The following ACTG2 variants were observed in gnomAD, a reference collection of about 807,000 sequenced individuals.
The protein encoded by ACTG2 is actin, gamma-enteric smooth muscle.
In ACTG2, 16 loss-of-function variants were observed where a neutral mutation model predicts 37.6. The ratio of observed to expected loss-of-function variants is 0.43; its 90% confidence interval spans 0.29 to 0.65. The LOEUF is 0.65. Among genes scored for constraint, ACTG2 ranks in the 30% least tolerant of loss-of-function variants. ACTG2 has a pLI of 0.18. For synonymous variants in ACTG2, 181 were observed against 179.9 expected (o/e 1.01, Z -0.05); for missense variants, 238 against 490.9 (o/e 0.48, Z 4.87).
intron 3 of ACTG2, 192 bp from the exon 4 acceptor site, chr2:73,908,481 A>T: frequency 1.6e-6 from 1 of 643,332 alleles, no homozygotes; most frequent in Middle Eastern, 2.9e-4. Flanking sequence ...TCTGAGTCCT[A>T]CCTGGGGCCC....
chr2:73,916,114 G>A (rs1721262), intron 7 of ACTG2, among the ~76,000 whole-genome samples: 79,503 of 151,908 alleles, frequency 0.52, 22,440 homozygotes, highest in Non-Finnish European at 0.62. Flanking sequence ...GTAATACCTC[G>A]CGCCTGTAAT....
At chr2:73,908,870 C>T (rs907073319) in intron 4 of ACTG2, 87 bp downstream of exon 4, 9 of 1,306,288 alleles carry the variant, frequency 6.9e-6, no homozygotes, top group Non-Finnish European at 6.5e-6. Context: ...AACATCAGTG[C>T]AACAGAACTC....
chr2:73,902,047 G>GTC (rs1558622715), intron 2 of ACTG2, among the ~76,000 whole-genome samples: 2 of 146,618 alleles, frequency 1.4e-5, no homozygotes, highest in East Asian at 2.0e-4. Context: ...GTGTCTGTGT[G>GTC]TGTGTGTGTG....
At chr2:73,914,563 A>C in intron 6 of ACTG2, 117 bp from the exon 7 acceptor site, 1 of 492,308 alleles carries the variant, frequency 2.0e-6, no homozygotes. Context: ...TGTCTCAAAA[A>C]AAAAAAAAAA....
rs368034313 is a variant in ACTG2, at chr2:73,899,466, A to AAT, written c.-36-1795_-36-1794dup. ...GACAGAGCAAGACCCCATCTCAAAA[A>AAT]ATATATATATATATATCTTCTGATT... is the stretch of plus-strand genomic sequence containing the variant. On this transcript the variant is annotated intron_variant, in intron 1 of 8. Transcript: ENST00000345517. Among the ~76,000 whole-genome samples, 186 of 150,448 alleles carry AAT rather than the reference A, an allele frequency of 1.2e-3. 2 individuals carry two copies. Among genetic ancestry groups the AAT allele is most frequent in the Admixed American group, 3.8e-3 (58 of 15,068 alleles).
rs552934738 is a variant in ACTG2, at chr2:73,902,570, C to G, written c.255+82C>G. Reference sequence around the variant, plus strand: ...CCTCGTATTCATAGGCCACTGTGCTCTGTCAACTCTCCCTCTAAAATGCTT... The same window carrying G: ...CCTCGTATTCATAGGCCACTGTGCTGTGTCAACTCTCCCTCTAAAATGCTT... On this transcript the variant is annotated intron_variant, in intron 3 of 8. Transcript: ENST00000345517. 16 of 1,584,514 alleles carry G rather than the reference C, an allele frequency of 1.0e-5. No homozygotes were observed. In the African/African-American group the frequency reaches 1.5e-4, roughly 15 times the overall value.
chr2:73,902,845 C>A, intron 3 of ACTG2: 2 of 1,400,782 alleles, frequency 1.4e-6, no homozygotes, highest in Non-Finnish European at 1.9e-6. Context: ...AACTCCCCGT[C>A]TTGGCATTGG....
intron 1 of ACTG2, among the ~76,000 whole-genome samples, chr2:73,894,180 T>A (rs1679691761): frequency 6.6e-6 from 1 of 152,144 alleles, no homozygotes; most frequent in Non-Finnish European, 1.5e-5. Context: ...AGATTCTGAT[T>A]CCAGTAGGCC....
At chr2:73,913,718 C>A in intron 6 of ACTG2, 72 bp downstream of exon 6, 1 of 1,322,920 alleles carries the variant, frequency 7.6e-7, no homozygotes, top group Non-Finnish European at 1.1e-6. Context: ...GTTCTCAGGA[C>A]CAATGAGAAT....
chr2:73,909,810 C>T (rs897589886), intron 5 of ACTG2, among the ~76,000 whole-genome samples: 4 of 152,114 alleles, frequency 2.6e-5, no homozygotes, highest in African/African-American at 7.2e-5. Context: ...CTAGAAGTTG[C>T]TCTGGGTGGG....
At chr2:73,899,454 C>G (rs893113614) in intron 1 of ACTG2, among the ~76,000 whole-genome samples, 1 of 151,750 alleles carries the variant, frequency 6.6e-6, no homozygotes, top group African/African-American at 2.4e-5. Context: ...AGAGCAAGAC[C>G]CCATCTCAAA....
chr2:73,908,156 G>A (rs552587446), intron 3 of ACTG2: 10 of 407,348 alleles, frequency 2.5e-5, no homozygotes, highest in South Asian at 9.1e-5. Context: ...GTCAGGTGAC[G>A]AGGGCAGTGT....
chr2:73,910,001 G>A (rs1345314177), intron 5 of ACTG2, among the ~76,000 whole-genome samples: 2 of 152,080 alleles, frequency 1.3e-5, no homozygotes, highest in Non-Finnish European at 2.9e-5. Context: ...GATCACCTGA[G>A]GTCAGGAGTT....
At chr2:73,904,761 GTGTGTGTGTGTGTGTGTATA>G (rs1679974934) in intron 3 of ACTG2, among the ~76,000 whole-genome samples, 1 of 56,640 alleles carries the variant, frequency 1.8e-5, no homozygotes, top group African/African-American at 8.4e-5. Flanking sequence ...GTGTGTGTGT[GTGTGTGTGTGTGTGTGTATA>G]TATATATATA....
At chr2:73,909,558 G>T (rs1206692985) in intron 5 of ACTG2, among the ~76,000 whole-genome samples, 1 of 152,178 alleles carries the variant, frequency 6.6e-6, no homozygotes, top group Non-Finnish European at 1.5e-5. Flanking sequence ...GAGTGTACTT[G>T]CACAAACCTA....
intron 5 of ACTG2, among the ~76,000 whole-genome samples, chr2:73,912,792 T>C (rs1188724369): frequency 1.3e-5 from 2 of 152,236 alleles, no homozygotes; most frequent in Non-Finnish European, 2.9e-5. Context: ...TCACTGCAAT[T>C]GGCTAGAACA....
At chr2:73,913,404 G>A in intron 5 of ACTG2, 81 bp from the exon 6 acceptor site, 1 of 1,290,296 alleles carries the variant, frequency 7.8e-7, no homozygotes, top group Non-Finnish European at 1.0e-6. Flanking sequence ...GGTAGTCAGA[G>A]CTCATTGGTA....
In ACTG2 at chr2:73,919,652, T is replaced by G; in HGVS notation, c.*77T>G. The stretch of plus-strand genomic sequence containing the variant: ...ATGAAACATTAAAACCTACAAGCCT[T>G]ACTTCTCTGTGTGGGGCTCTTTTTT... On this transcript the variant is annotated 3_prime_UTR_variant, in exon 9 of 9. Coordinates refer to ENST00000345517, the MANE Select transcript of ACTG2 (RefSeq NM_001615.4). 6.6e-7 allele frequency: 1 copy of G among 1,513,900 alleles called. No homozygotes were observed. 93.8% of individuals were successfully genotyped at this position (1,513,900 alleles called of 1,614,324 possible).
intron 5 of ACTG2, among the ~76,000 whole-genome samples, chr2:73,912,122 T>A (rs1009911516): frequency 6.6e-6 from 1 of 152,240 alleles, no homozygotes; most frequent in African/African-American, 2.4e-5. Flanking sequence ...GCATGGCATA[T>A]ACAGTGTCGT....
Sources: allele counts gnomAD v4.1 joint callset (sites outside exome capture counted in the v4.1 genomes callset), GRCh38; gene constraint gnomAD v4.1.1; transcripts MANE v1.5; gene names NCBI Gene and HGNC (gene_info 2026-07-23, HGNC 2026-07-21).